WDR62: variants seen among roughly 807,000 people sequenced by gnomAD.
The protein encoded by WDR62 is WD repeat domain 62.
In WDR62, 112 loss-of-function variants were observed where a neutral mutation model predicts 160.6. That is an observed-to-expected ratio of 0.70 (90% CI 0.60 to 0.82). The LOEUF is 0.82. Among genes scored for constraint, WDR62 ranks in the 40% least tolerant of loss-of-function variants. The pLI, the probability that WDR62 is intolerant of heterozygous loss-of-function variation, is 0.00. For synonymous variants in WDR62, 792 were observed against 815.1 expected, an observed-to-expected ratio of 0.97 and a Z score of 0.48; for missense variants, 1,819 against 1,983.8, an observed-to-expected ratio of 0.92 and a Z score of 1.58.
intron 3 of WDR62, among the ~76,000 whole-genome samples, chr19:36,065,240 C>G (rs1970871499): frequency 1.3e-5 from 2 of 152,296 alleles, no homozygotes; most frequent in South Asian, 4.2e-4. Flanking sequence ...GATGAATATT[C>G]CATGAAGTTG....
In WDR62 at chr19:36,099,357, T is replaced by C. The variant is rs201231495; in HGVS notation, c.2521-42T>C. On this transcript the variant is annotated intron_variant, in intron 21 of 31. Coordinates refer to ENST00000401500, the MANE Select transcript of WDR62 (RefSeq NM_001083961.2). Reference sequence around the variant, plus strand: ...TGTCCGTGTCGCTCCCTGCAGTGAGTGAGCACTCAGCCAGTTGCCTGACTG... The same window carrying C: ...TGTCCGTGTCGCTCCCTGCAGTGAGCGAGCACTCAGCCAGTTGCCTGACTG... 9.5e-4 allele frequency: 1,474 copies of C among 1,552,396 alleles called. 1 individual carries two copies. The highest frequency in any genetic ancestry group is 1.5e-3 in the Admixed American group (86 of 58,658).
chr19:36,088,437 A>C (rs1424573172), intron 13 of WDR62, among the ~76,000 whole-genome samples: 1 of 152,242 alleles, frequency 6.6e-6, no homozygotes, highest in Admixed American at 6.5e-5. Context: ...ACGGACCGGA[A>C]GTTGAGGCTC....
chr19:36,071,816 C>T lies in WDR62; in HGVS notation c.1043+100C>T, dbSNP rs138034157. On this transcript the variant is annotated intron_variant, in intron 8 of 31. Coordinates refer to ENST00000401500, the MANE Select transcript of WDR62 (RefSeq NM_001083961.2). ...GATCCATCTATCTGTCTGTCCATCC[C>T]ACAAATACCCATCATGACTCTCAGC... The T allele has an allele frequency of 7.7e-3, 10,958 of 1,423,898 alleles. 119 individuals are homozygous for T. Among genetic ancestry groups the T allele is most frequent in the South Asian group, 0.041 (2,998 of 73,858 alleles). 88.2% of individuals were successfully genotyped at this position (1,423,898 alleles called of 1,614,324 possible). A position where few individuals can be genotyped will look rare whatever the true frequency, so the allele number is the denominator to read the frequency against.
intron 4 of WDR62, 88 bp from the exon 5 acceptor site, chr19:36,066,169 C>G (rs1970927019): frequency 6.2e-7 from 1 of 1,601,636 alleles, no homozygotes; most frequent in Non-Finnish European, 8.5e-7. Context: ...TTGGGCACAT[C>G]CTGTGGCAAT....
chr19:36,103,449 G>C lies in WDR62; in HGVS notation c.3621G>C (p.Gln1207His). 1.2e-6 allele frequency: 2 copies of C among 1,614,060 alleles called. No individual in the cohort carries two copies. The highest frequency in any genetic ancestry group is 1.7e-6 in the Non-Finnish European group (2 of 1,180,000). Residue 1207 changes from glutamine (Q) to histidine (H), a missense_variant, in exon 30 of 32, where the codon CAG (glutamine) becomes CAC (histidine). Gln to His is a conservative substitution (Grantham distance 24). Around this residue, in one of 3 missense-constraint regions of WDR62, gnomAD observed 770 missense variants for 734.2 expected, o/e 1.05. Coordinates refer to ENST00000401500, the MANE Select transcript of WDR62 (RefSeq NM_001083961.2). ...CTGCACCCACCCCAGGCCTGGCTCA[G>C]GGTGTCCATGCCCCCTCCACCTGTT... is the stretch of plus-strand genomic sequence containing the variant. ...PTSAPTPGLAQGVHAPSTCSY... is the reference protein window; with the variant it reads ...PTSAPTPGLAHGVHAPSTCSY...
intron 20 of WDR62, among the ~76,000 whole-genome samples, chr19:36,096,016 G>A (rs958148726): frequency 6.6e-6 from 1 of 152,218 alleles, no homozygotes; most frequent in African/African-American, 2.4e-5. Flanking sequence ...AAGCCTCCTC[G>A]AAATGTGAGG....
At position 36,103,538 on chromosome 19, in the gene WDR62, G is replaced by A. The variant is rs577849023; in HGVS notation, c.3710G>A (p.Ser1237Asn). 2 of 1,614,086 alleles carry A rather than the reference G, an allele frequency of 1.2e-6. No individual in the cohort carries two copies. Among genetic ancestry groups the A allele is most frequent in the South Asian group, 2.2e-5 (2 of 91,084 alleles). ...TCACGCAGCATCTCCCTCGGTGACAGTGAGGGCCCTATCGTGGCCACACTG... is the reference window on the plus strand; with the variant it reads ...TCACGCAGCATCTCCCTCGGTGACAATGAGGGCCCTATCGTGGCCACACTG... The part of the protein sequence containing the change: ...RISRSISLGD[S>N]EGPIVATLAQ... The change falls in exon 30 of 32, where the codon AGT becomes AAT. Residue 1237 changes from serine (S) to asparagine (N), a missense_variant. By Grantham distance (46) the Ser-to-Asn change is conservative. This residue lies in a region of WDR62 where 770 missense variants were observed against 734.2 expected (regional missense o/e 1.05). Coordinates refer to ENST00000401500, the MANE Select transcript of WDR62 (RefSeq NM_001083961.2).
At chr19:36,088,961 G>A in intron 13 of WDR62, 77 bp from the exon 14 acceptor site, 1 of 1,511,148 alleles carries the variant, frequency 6.6e-7, no homozygotes, top group South Asian at 1.1e-5. Context: ...GATGGCTCTT[G>A]CAGTGGAGTT....
In WDR62 at chr19:36,054,910, G is replaced by A. The variant is rs1970259501; in HGVS notation, c.-62G>A. 4 of 1,540,108 alleles carry A rather than the reference G, an allele frequency of 2.6e-6. No homozygotes were observed. The highest frequency in any genetic ancestry group is 3.5e-6 in the Non-Finnish European group (4 of 1,143,800). ...CCGCGGCTGTTCGCTGTTCCAGTGG[G>A]TCGTGGCGGTGGCGGCAGCGGCGGT... On this transcript the variant is annotated 5_prime_UTR_variant, in exon 1 of 32. Coordinates refer to ENST00000401500, the MANE Select transcript of WDR62 (RefSeq NM_001083961.2).
chr19:36,080,552 A>G (rs1305210499), intron 9 of WDR62, among the ~76,000 whole-genome samples: 1 of 151,754 alleles, frequency 6.6e-6, no homozygotes, highest in Non-Finnish European at 1.5e-5. Context: ...TCAGCCTCCC[A>G]GGTTCAAGCA....
intron 11 of WDR62, 122 bp downstream of exon 11, chr19:36,083,363 A>G: frequency 2.0e-6 from 2 of 1,018,940 alleles, no homozygotes; most frequent in Non-Finnish European, 3.0e-6. Context: ...GGGGCTGTGA[A>G]TAGTAATCCC....
chr19:36,092,729 T>C lies in WDR62; in HGVS notation c.2251T>C (p.Cys751Arg). ...IWHLGPEITN[C>R]MKQHLLEIDH... ...GCACCTGGGCCCGGAGATCACCAACTGCATGAAGCAGCACTTGCTGGAGAT... is the reference window on the plus strand; with the variant it reads ...GCACCTGGGCCCGGAGATCACCAACCGCATGAAGCAGCACTTGCTGGAGAT... The change falls in exon 19 of 32, where the codon TGC (cysteine) becomes CGC (arginine). Residue 751 changes from cysteine (C) to arginine (R), a missense_variant. By Grantham distance (180) the Cys-to-Arg change is radical. Around this residue, in one of 3 missense-constraint regions of WDR62, gnomAD observed 934 missense variants for 1,157.2 expected, o/e 0.81. Transcript: ENST00000401500. 1 of 1,614,176 alleles carries C rather than the reference T, an allele frequency of 6.2e-7. No individual in the cohort carries two copies. The highest frequency in any genetic ancestry group is 8.5e-7 in the Non-Finnish European group (1 of 1,180,018).
At chr19:36,109,987 G>A (rs192536932), downstream of WDR62, among the ~76,000 whole-genome samples, 2 of 151,538 alleles carry the variant, frequency 1.3e-5, no homozygotes, top group African/African-American at 4.8e-5. Context: ...CCCAGGAGGC[G>A]GAGGTCATAG....
rs1334828547 is a variant in WDR62 at position 36,054,952 on chromosome 19, C to T, written c.-20C>T. 1 of 1,570,724 alleles carries T rather than the reference C, an allele frequency of 6.4e-7. No individual in the cohort carries two copies. The highest frequency in any genetic ancestry group is 8.6e-7 in the Non-Finnish European group (1 of 1,159,262). The stretch of plus-strand genomic sequence containing the variant: ...AGCGGCGGTTAGGGGATGTAACGGT[C>T]GCCCGCCTCCGGCGTGACGATGGCG... On this transcript the variant is annotated 5_prime_UTR_variant, in exon 1 of 32. Transcript: ENST00000401500.
chr19:36,070,460 T>G (rs953610967), intron 7 of WDR62: 4 of 152,370 alleles, frequency 2.6e-5, no homozygotes, highest in African/African-American at 9.6e-5. Context: ...GCATGATCTA[T>G]CGATACATTG....
intron 3 of WDR62, among the ~76,000 whole-genome samples, chr19:36,065,679 C>G (rs1299992227): frequency 6.6e-6 from 1 of 152,220 alleles, no homozygotes; most frequent in Non-Finnish European, 1.5e-5. Flanking sequence ...CCCACTGCGG[C>G]AGAGGGAGAA....
intron 6 of WDR62, 151 bp downstream of exon 6, chr19:36,067,594 C>A: frequency 7.9e-7 from 1 of 1,266,966 alleles, no homozygotes; most frequent in Middle Eastern, 2.7e-4. Flanking sequence ...GGCCTACTCT[C>A]AGGGTGCTGA....
At chr19:36,102,204 C>A in intron 26 of WDR62, 53 bp downstream of exon 26, 1 of 1,613,194 alleles carries the variant, frequency 6.2e-7, no homozygotes, top group Non-Finnish European at 8.5e-7. Flanking sequence ...AGCCTGGGCA[C>A]AGCATTGGCG....
intron 8 of WDR62, 21 bp downstream of exon 8, chr19:36,071,737 G>A: frequency 2.5e-6 from 4 of 1,603,676 alleles, no homozygotes; most frequent in Non-Finnish European, 3.4e-6. Context: ...GTGGGGAGAG[G>A]GAATGGGAGG....
Sources: allele counts gnomAD v4.1 joint callset (sites outside exome capture counted in the v4.1 genomes callset), GRCh38; gene constraint gnomAD v4.1.1; regional missense constraint gnomAD v4.1.1; transcripts MANE v1.5; gene names NCBI Gene and HGNC (gene_info 2026-07-23, HGNC 2026-07-21).